The following MALRD1 variants were observed in gnomAD, a reference collection of about 807,000 sequenced individuals.
The protein encoded by MALRD1 is MAM and LDL-receptor class A domain-containing protein 1.
Under a neutral mutation model 242.1 loss-of-function variants are expected in MALRD1, and 247 were observed. The observed-to-expected ratio is 1.02, with a 90% CI of 0.92 to 1.13. The LOEUF (loss-of-function observed/expected upper bound fraction) is 1.13, where lower values mean the gene tolerates loss of function less well. MALRD1 is among the 50% of genes most tolerant of loss of function. MALRD1 has a pLI of 0.00. For synonymous variants in MALRD1, 995 were observed against 866.6 expected, an observed-to-expected ratio of 1.15 and a Z score of -2.60; for missense variants, 2,989 against 2,533.1, an observed-to-expected ratio of 1.18 and a Z score of -3.86.
chr10:19,330,880 T>G (rs1422856207), intron 23 of MALRD1, among the ~76,000 whole-genome samples: 1 of 151,544 alleles, frequency 6.6e-6, no homozygotes, highest in African/African-American at 2.4e-5. Context: ...AAACTCATGG[T>G]ATTGAGGACT....
At chr10:19,560,339 GCA>G (rs1389378781) in intron 32 of MALRD1, among the ~76,000 whole-genome samples, 1 of 152,060 alleles carries the variant, frequency 6.6e-6, no homozygotes, top group Non-Finnish European at 1.5e-5. Context: ...GTGGTGTCAG[GCA>G]CCTGTAGTCC....
At chr10:19,367,679 C>T (rs112407492) in intron 26 of MALRD1, among the ~76,000 whole-genome samples, 4 of 152,074 alleles carry the variant, frequency 2.6e-5, no homozygotes, top group Admixed American at 2.6e-4. Flanking sequence ...TTTGAGAAAC[C>T]TCCATACTGT....
In MALRD1 at chr10:19,397,038, A is replaced by G. The variant is rs1286743165; in HGVS notation, c.4845+7429A>G. On this transcript the variant is annotated intron_variant, in intron 28 of 39. Coordinates refer to ENST00000454679, the MANE Select transcript of MALRD1 (RefSeq NM_001142308.3). ...GTTTTGATACATGTATACATTGTGTAATGATCAAATCAGGGTAATTAGCTC... is the reference window on the plus strand; with the variant it reads ...GTTTTGATACATGTATACATTGTGTGATGATCAAATCAGGGTAATTAGCTC... 2.6e-5 allele frequency among the ~76,000 whole-genome samples: 4 copies of G among 152,180 alleles called. No individual in the cohort carries two copies. The East Asian group carries it at 7.7e-4, about 29-fold the overall frequency.
chr10:19,594,297 G>A (rs1837963068), intron 33 of MALRD1, among the ~76,000 whole-genome samples: 3 of 152,216 alleles, frequency 2.0e-5, no homozygotes, highest in African/African-American at 7.2e-5. Context: ...AAGAAATATT[G>A]TACTGATAAG....
intron 13 of MALRD1, among the ~76,000 whole-genome samples, chr10:19,173,399 T>C (rs556105801): frequency 6.6e-6 from 1 of 152,254 alleles, no homozygotes; most frequent in South Asian, 2.1e-4. Flanking sequence ...AAACCAGCAC[T>C]GAAATAAACA....
chr10:19,119,404 A>G (rs905251155), intron 5 of MALRD1, among the ~76,000 whole-genome samples: 7 of 152,172 alleles, frequency 4.6e-5, no homozygotes, highest in African/African-American at 1.7e-4. Flanking sequence ...TTATATTATC[A>G]TGCAAATCAG....
intron 24 of MALRD1, 42 bp downstream of exon 24, chr10:19,331,624 C>T (rs1233418267): frequency 2.1e-6 from 3 of 1,459,334 alleles, no homozygotes; most frequent in South Asian, 2.5e-5. Context: ...GCCTTCAACT[C>T]CCACAGCCTT....
intron 33 of MALRD1, among the ~76,000 whole-genome samples, chr10:19,585,940 C>T (rs1424134708): frequency 4.6e-5 from 7 of 151,848 alleles, no homozygotes; most frequent in South Asian, 2.1e-4. Context: ...TATTCTTTTT[C>T]CTCTAAACTT....
chr10:19,292,130 T>C (rs1011692576), intron 21 of MALRD1, among the ~76,000 whole-genome samples: 3 of 150,802 alleles, frequency 2.0e-5, no homozygotes, highest in Non-Finnish European at 4.4e-5. Flanking sequence ...AAAGGAACTA[T>C]TATAATTGTA....
intron 31 of MALRD1, among the ~76,000 whole-genome samples, chr10:19,508,724 A>G (rs912728965): frequency 6.6e-5 from 10 of 152,242 alleles, no homozygotes; most frequent in East Asian, 3.8e-4. Context: ...ATAAATTACT[A>G]AAAACTTGTT....
chr10:19,356,247 G>C (rs886657372), intron 26 of MALRD1, among the ~76,000 whole-genome samples: 4 of 151,948 alleles, frequency 2.6e-5, no homozygotes, highest in African/African-American at 9.7e-5. Flanking sequence ...ATGTAAATCT[G>C]TAACTATATC....
chr10:19,240,244 A>T (rs1004441939), intron 18 of MALRD1, among the ~76,000 whole-genome samples: 4 of 151,934 alleles, frequency 2.6e-5, no homozygotes, highest in Non-Finnish European at 4.4e-5. Flanking sequence ...CTTGGTAGCT[A>T]TTGTAAATGG....
In MALRD1 at chr10:19,491,155, A is replaced by T. The variant is rs367546363; in HGVS notation, c.5030-362A>T. On this transcript the variant is annotated intron_variant, in intron 29 of 39. Transcript: ENST00000454679. ...ATTACGAGCAGCACAAATGGCCAGG[A>T]AATCTCATCAGTGCATGCTGACAAT... 10 of 439,172 alleles carry T rather than the reference A, an allele frequency of 2.3e-5. No individual in the cohort carries two copies. In the East Asian group the frequency reaches 4.6e-4, roughly 20 times the overall value. 27.2% of individuals were successfully genotyped at this position (439,172 alleles called of 1,614,324 possible).
intron 31 of MALRD1, among the ~76,000 whole-genome samples, chr10:19,523,778 A>G (rs1197422127): frequency 6.6e-6 from 1 of 151,986 alleles, no homozygotes; most frequent in Non-Finnish European, 1.5e-5. Flanking sequence ...TTGTGTTGGC[A>G]TGCCACAACC....
chr10:19,097,898 A>T (rs1836101368), intron 4 of MALRD1, among the ~76,000 whole-genome samples: 1 of 152,146 alleles, frequency 6.6e-6, no homozygotes, highest in Non-Finnish European at 1.5e-5. Flanking sequence ...ACATCTCCCC[A>T]TGATCTTTTT....
chr10:19,303,307 A>G (rs1232713459), intron 21 of MALRD1, among the ~76,000 whole-genome samples: 1 of 151,706 alleles, frequency 6.6e-6, no homozygotes, highest in Non-Finnish European at 1.5e-5. Context: ...TCATTTTATA[A>G]TGATAAATAA....
At position 19,331,465 on chromosome 10, in the gene MALRD1, A is replaced by G; in HGVS notation, c.3784A>G (p.Arg1262Gly). ...TTGCTCCCCTTTGCTTAGCCCAGAG[A>G]GAAAGTGTACTGATCATGAATTCAT... ...QDCSPLLSPE[R>G]KCTDHEFMCA... is the part of the protein sequence containing the mutation. The change falls in exon 24 of 40, where the codon AGA (arginine) becomes GGA (glycine). Residue 1262 changes from arginine (R) to glycine (G), a missense_variant. Arg to Gly is a moderately radical substitution (Grantham distance 125, BLOSUM62 -2). Transcript: ENST00000454679. The G allele has an allele frequency of 6.4e-7, 1 of 1,550,510 alleles. No individual in the cohort carries two copies. Among genetic ancestry groups the G allele is most frequent in the Non-Finnish European group, 8.7e-7 (1 of 1,146,860 alleles).
Position 19,128,256 on chromosome 10 carries a change from A to C in MALRD1, c.979A>C (p.Thr327Pro). The C allele has an allele frequency of 8.1e-7, 1 of 1,233,382 alleles. No individual in the cohort carries two copies. The highest frequency in any genetic ancestry group is 1.0e-6 in the Non-Finnish European group (1 of 987,846). The allele number at this position is 1,233,382 out of a possible 1,614,324, so 76.4% of individuals were successfully genotyped here. A position where few individuals can be genotyped will look rare whatever the true frequency, so the allele number is the denominator to read the frequency against. The change falls in exon 8 of 40, where the codon ACT (threonine) becomes CCT (proline). Residue 327 changes from threonine (T) to proline (P), a missense_variant. By Grantham distance (38) the Thr-to-Pro change is conservative. Coordinates refer to ENST00000454679, the MANE Select transcript of MALRD1 (RefSeq NM_001142308.3). ...YVWVGAKHGF[T>P]LNHLDSRAYL... ...ATGGGTAGGCGCTAAGCATGGTTTC[A>C]CTCTTAACCATTTAGACAGCAGGGC...
At chr10:19,502,596 T>G (rs1838024854) in intron 31 of MALRD1, among the ~76,000 whole-genome samples, 1 of 152,192 alleles carries the variant, frequency 6.6e-6, no homozygotes, top group Non-Finnish European at 1.5e-5. Context: ...CTTCTATAAT[T>G]CCCAAAGATG....
Sources: gnomAD v4.1 joint callset for allele counts (sites outside exome capture counted in the v4.1 genomes callset) on GRCh38, gnomAD v4.1.1 for gene constraint, MANE v1.5 for transcripts, NCBI Gene and HGNC (gene_info 2026-07-23, HGNC 2026-07-21) for gene names.